Variants in RERE observed in about 807,000 individuals in gnomAD.
RERE encodes the protein arginine-glutamic acid dipeptide repeats, also known as arginine-glutamic acid dipeptide repeats protein.
RERE carries 40 observed loss-of-function variants against 146.1 expected under a neutral mutation model. That is an observed-to-expected ratio of 0.27 (90% CI 0.21 to 0.36). The LOEUF is 0.36. Ranked by LOEUF, RERE falls within the 10% of genes least tolerant of loss-of-function variation. RERE has a pLI of 1.00. For missense variants in RERE, 1,933 were observed against 2,138.7 expected, an observed-to-expected ratio of 0.90 and a Z score of 1.90; for synonymous variants, 1,003 against 866.0, an observed-to-expected ratio of 1.16 and a Z score of -2.78.
chr1:8,675,495 CAAAAAAAAAAAA>C (rs56912804), intron 1 of RERE, among the ~76,000 whole-genome samples: 3 of 90,220 alleles, frequency 3.3e-5, no homozygotes, highest in African/African-American at 1.4e-4. Context: ...CCCATCTCTA[CAAAAAAAAAAAA>C]AAAAAAAAAT....
In RERE at chr1:8,360,140, T is replaced by C. The variant is rs1280018854; in HGVS notation, c.3367A>G (p.Thr1123Ala). ...SPSPEPTVVDTPSHASQSARF... is the reference protein window; with the variant it reads ...SPSPEPTVVDAPSHASQSARF... ...GCTGACTGGCTGGCGTGACTGGGGG[T>C]GTCCACCACAGTGGGCTCCGGGGAC... Residue 1123 changes from threonine (T) to alanine (A), a missense_variant, in exon 18 of 23, where the codon ACC becomes GCC. Physicochemically the swap from Thr to Ala is moderately conservative, Grantham distance 58 (BLOSUM62 0). Around this residue, in one of 11 missense-constraint regions of RERE, gnomAD observed 1,255 missense variants for 1,153.8 expected, o/e 1.09. Coordinates refer to ENST00000400908, the MANE Select transcript of RERE (RefSeq NM_001042681.2). The C allele has an allele frequency of 1.3e-6, 2 of 1,583,776 alleles. No individual in the cohort carries two copies. Among genetic ancestry groups the C allele is most frequent in the African/African-American group, 1.4e-5 (1 of 74,020 alleles).
intron 11 of RERE, among the ~76,000 whole-genome samples, chr1:8,440,746 A>AG (rs70990567): frequency 4.7e-5 from 7 of 150,292 alleles, no homozygotes; most frequent in Non-Finnish European, 8.9e-5. Flanking sequence ...AAAAAAAAAA[A>AG]TTAGCTGGGC....
intron 11 of RERE, among the ~76,000 whole-genome samples, chr1:8,457,613 A>G (rs762735387): frequency 6.6e-6 from 1 of 151,684 alleles, no homozygotes; most frequent in African/African-American, 2.4e-5. Context: ...TTATTTATTT[A>G]TTTTTTTGAG....
At chr1:8,501,927 G>A (rs1645168497) in intron 8 of RERE, among the ~76,000 whole-genome samples, 3 of 89,014 alleles carry the variant, frequency 3.4e-5, no homozygotes, top group Middle Eastern at 0.011. Flanking sequence ...CCCCGTCCGG[G>A]AGGGAGGTGG....
At chr1:8,462,401 C>A (rs1270276293) in intron 11 of RERE, among the ~76,000 whole-genome samples, 1 of 152,206 alleles carries the variant, frequency 6.6e-6, no homozygotes, top group African/African-American at 2.4e-5. Flanking sequence ...AACTGCCAAG[C>A]GAGTGACGCG....
chr1:8,507,086 G>T (rs1255421868), intron 8 of RERE, among the ~76,000 whole-genome samples: 1 of 152,148 alleles, frequency 6.6e-6, no homozygotes, highest in African/African-American at 2.4e-5. Flanking sequence ...AGTCCTGTCA[G>T]TGAAAGCATC....
At chr1:8,768,321 A>G (rs1369389462) in intron 1 of RERE, among the ~76,000 whole-genome samples, 1 of 152,258 alleles carries the variant, frequency 6.6e-6, no homozygotes, top group Non-Finnish European at 1.5e-5. Context: ...TCTTTCCAGG[A>G]AAGTTGTATA....
intron 8 of RERE, among the ~76,000 whole-genome samples, chr1:8,497,800 T>C (rs1381527194): frequency 6.6e-6 from 1 of 152,138 alleles, no homozygotes; most frequent in Non-Finnish European, 1.5e-5. Context: ...AGAGTAAAAC[T>C]GAAGCACACA....
intron 10 of RERE, among the ~76,000 whole-genome samples, chr1:8,479,567 C>T (rs1011601907): frequency 6.6e-6 from 1 of 152,072 alleles, no homozygotes; most frequent in Non-Finnish European, 1.5e-5. Context: ...GGTGAAGAAA[C>T]CCAGACTGGA....
At chr1:8,459,227 T>A (rs1481775063) in intron 11 of RERE, among the ~76,000 whole-genome samples, 1 of 152,236 alleles carries the variant, frequency 6.6e-6, no homozygotes, top group Non-Finnish European at 1.5e-5. Context: ...ATCTACATTT[T>A]TCTTTTTTAA....
Position 8,762,877 on chromosome 1 carries a change from A to G in RERE, c.-145+54283T>C, listed in dbSNP as rs557415468. On this transcript the variant is annotated intron_variant, in intron 1 of 22. Coordinates refer to ENST00000400908, the MANE Select transcript of RERE (RefSeq NM_001042681.2). ...ATGAAGACTAGGAGCTCAAAATTCC[A>G]GAATGACCTGGGACCATGGAAAATT... 9.8e-5 allele frequency among the ~76,000 whole-genome samples: 15 copies of G among 152,348 alleles called. No homozygotes were observed. In the South Asian group the frequency reaches 2.7e-3, roughly 27 times the overall value.
At chr1:8,528,361 T>C (rs1645595739) in intron 7 of RERE, among the ~76,000 whole-genome samples, 4 of 152,232 alleles carry the variant, frequency 2.6e-5, no homozygotes, top group Admixed American at 2.6e-4. Context: ...AAGGCCGTTG[T>C]TGAAAAAACT....
At position 8,516,227 on chromosome 1, in the gene RERE, G is replaced by GGAAAAA. The variant is rs573135224; in HGVS notation, c.831-7553_831-7552insTTTTTC. On this transcript the variant is annotated intron_variant, in intron 7 of 22. Coordinates refer to ENST00000400908, the MANE Select transcript of RERE (RefSeq NM_001042681.2). Reference sequence around the variant, plus strand: ...GGGACGGAGCAAGACTCTCTCAGAGGAAAAAAAAAAAAAAAAAAAAAATCT... The same window carrying GGAAAAA: ...GGGACGGAGCAAGACTCTCTCAGAGGGAAAAAAAAAAAAAAAAAAAAAAAAAAATCT... 7.3e-4 allele frequency among the ~76,000 whole-genome samples: 38 copies of GGAAAAA among 52,306 alleles called. 1 individual carries two copies. Among genetic ancestry groups the GGAAAAA allele is most frequent in the African/African-American group, 3.3e-3 (38 of 11,626 alleles). The allele number at this position is 52,306 out of a possible 152,430, so 34.3% of individuals were successfully genotyped here.
intron 4 of RERE, among the ~76,000 whole-genome samples, chr1:8,598,815 C>A (rs1200050444): frequency 6.6e-6 from 1 of 152,214 alleles, no homozygotes; most frequent in Non-Finnish European, 1.5e-5. Context: ...TCAACGTCTT[C>A]TAACACAGCT....
At chr1:8,635,430 A>C (rs535556249) in intron 2 of RERE, among the ~76,000 whole-genome samples, 1 of 152,346 alleles carries the variant, frequency 6.6e-6, no homozygotes, top group African/African-American at 2.4e-5. Flanking sequence ...GATTCCTAAA[A>C]TGAGACGAGA....
chr1:8,715,751 A>C (rs888513765), intron 1 of RERE, among the ~76,000 whole-genome samples: 1 of 152,034 alleles, frequency 6.6e-6, no homozygotes, highest in Non-Finnish European at 1.5e-5. Flanking sequence ...AAAAAATACA[A>C]AAATTAGCCA....
chr1:8,652,390 C>A (rs376380963), intron 2 of RERE, among the ~76,000 whole-genome samples: 22 of 152,334 alleles, frequency 1.4e-4, no homozygotes, highest in African/African-American at 5.3e-4. Flanking sequence ...AGTTCTTGCC[C>A]AAGCACTTTA....
chr1:8,660,524 C>G (rs567345663), intron 1 of RERE, among the ~76,000 whole-genome samples: 11 of 152,324 alleles, frequency 7.2e-5, no homozygotes, highest in Non-Finnish European at 1.6e-4. Context: ...CAGAAGAGAT[C>G]ATCTGCACAA....
intron 4 of RERE, among the ~76,000 whole-genome samples, chr1:8,579,310 C>G (rs912936841): frequency 6.6e-6 from 1 of 152,164 alleles, no homozygotes; most frequent in Admixed American, 6.5e-5. Context: ...ATAGCTGACT[C>G]TTGGTAATTA....
Sources: gnomAD v4.1 joint callset for allele counts (sites outside exome capture counted in the v4.1 genomes callset) on GRCh38, gnomAD v4.1.1 for gene constraint, gnomAD v4.1.1 regional missense constraint, MANE v1.5 for transcripts, NCBI Gene and HGNC (gene_info 2026-07-23, HGNC 2026-07-21) for gene names.